The following TRAIP variants were observed in gnomAD, a reference collection of about 807,000 sequenced individuals.
The protein encoded by TRAIP is E3 ubiquitin-protein ligase TRAIP.
Under a neutral mutation model 65.0 loss-of-function variants are expected in TRAIP, and 37 were observed. The observed-to-expected ratio is 0.57, with a 90% CI of 0.44 to 0.75. The LOEUF is 0.75. Ranked by LOEUF, TRAIP falls within the 30% of genes least tolerant of loss-of-function variation. The pLI is 0.00. For synonymous variants in TRAIP, 187 were observed against 219.1 expected (o/e 0.85, Z 1.29); for missense variants, 481 against 579.4 (o/e 0.83, Z 1.74).
At chr3:49,850,513 T>G (rs977622649) in intron 1 of TRAIP, among the ~76,000 whole-genome samples, 4 of 149,868 alleles carry the variant, frequency 2.7e-5, no homozygotes, top group African/African-American at 9.8e-5. Flanking sequence ...AAAAAAAAAG[T>G]AGGCAAAATT....
rs761742550 is a variant in TRAIP at position 49,829,760 on chromosome 3, G to A, written c.1093C>T (p.Gln365Ter). 1 of 1,614,046 alleles carries A rather than the reference G, an allele frequency of 6.2e-7. No homozygotes were observed. Among genetic ancestry groups the A allele is most frequent in the Non-Finnish European group, 8.5e-7 (1 of 1,179,978 alleles). The change falls in exon 13 of 15, where the codon CAG becomes TAG. Residue 365 changes from glutamine to a stop codon, truncating the protein, a stop_gained. Coordinates refer to ENST00000331456, the MANE Select transcript of TRAIP (RefSeq NM_005879.3). LOFTEE classifies it high-confidence loss of function. ...CAGCTCTGGCCACCCAGTGAGAGCT[G>A]GGACTCCTGCAGGGAAGACCCCAGG... is the stretch of plus-strand genomic sequence containing the variant. ...KICKGPRKES[Q>*]LSLGGQSCAG...
At chr3:49,835,494 T>C (rs1222079355) in intron 10 of TRAIP, among the ~76,000 whole-genome samples, 2 of 152,042 alleles carry the variant, frequency 1.3e-5, no homozygotes, top group African/African-American at 4.8e-5. Flanking sequence ...AGTGGGATGG[T>C]GGTGATGGTT....
chr3:49,836,204 G>A (rs956366835), intron 10 of TRAIP, among the ~76,000 whole-genome samples: 5 of 151,932 alleles, frequency 3.3e-5, no homozygotes, highest in Middle Eastern at 6.8e-3. Context: ...TTAAGAAATG[G>A]TGGTGGCTGG....
intron 3 of TRAIP, 57 bp downstream of exon 3, chr3:49,847,468 G>C: frequency 9.0e-7 from 1 of 1,111,052 alleles, no homozygotes; most frequent in Non-Finnish European, 1.3e-6. Flanking sequence ...AAAGAAAAAA[G>C]AAAAGTGAAC....
intron 12 of TRAIP, 58 bp from the exon 13 acceptor site, chr3:49,829,824 G>T: frequency 1.2e-6 from 2 of 1,605,966 alleles, no homozygotes; most frequent in East Asian, 4.5e-5. Context: ...AAGGAGGGAG[G>T]GTAGTGGTGG....
intron 1 of TRAIP, among the ~76,000 whole-genome samples, chr3:49,850,471 C>T (rs916804212): frequency 1.2e-4 from 18 of 145,106 alleles, no homozygotes; most frequent in African/African-American, 4.6e-4. Context: ...TGCACTCCAG[C>T]GTGAGGGACA....
At chr3:49,853,028 A>G (rs1387651003) in intron 1 of TRAIP, among the ~76,000 whole-genome samples, 2 of 151,860 alleles carry the variant, frequency 1.3e-5, no homozygotes, top group African/African-American at 4.8e-5. Flanking sequence ...AGGCTGAGGC[A>G]GGAGAATTGC....
intron 10 of TRAIP, 23 bp downstream of exon 10, chr3:49,839,749 G>A: frequency 6.2e-7 from 1 of 1,608,086 alleles, no homozygotes; most frequent in African/African-American, 1.3e-5. Flanking sequence ...TGTGACCCCT[G>A]TACCGCCCAA....
intron 5 of TRAIP, 106 bp downstream of exon 5, chr3:49,843,695 A>G: frequency 6.7e-7 from 1 of 1,482,702 alleles, no homozygotes; most frequent in Non-Finnish European, 9.2e-7. Flanking sequence ...TCCCCAAACC[A>G]AGGTGATGAC....
intron 1 of TRAIP, among the ~76,000 whole-genome samples, chr3:49,850,866 A>G (rs994734799): frequency 1.3e-5 from 2 of 151,604 alleles, no homozygotes; most frequent in Non-Finnish European, 2.9e-5. Context: ...CATGTTGGCC[A>G]GGCTGCTCTC....
chr3:49,828,994 C>G lies in TRAIP; in HGVS notation c.*109G>C. On this transcript the variant is annotated 3_prime_UTR_variant, in exon 15 of 15. Coordinates refer to ENST00000331456, the MANE Select transcript of TRAIP (RefSeq NM_005879.3). ...CCTCACCTGTTTGTCTGCCCTTACA[C>G]CTCAGGCTGGTCCCGAAAGTGGGGC... 6.6e-7 allele frequency: 1 copy of G among 1,509,296 alleles called. No homozygotes were observed. The allele number at this position is 1,509,296 out of a possible 1,614,324, so 93.5% of individuals were successfully genotyped here. A position where few individuals can be genotyped will look rare whatever the true frequency, so the allele number is the denominator to read the frequency against.
chr3:49,829,341 G>A, intron 14 of TRAIP, 116 bp from the exon 15 acceptor site: 1 of 1,610,590 alleles, frequency 6.2e-7, no homozygotes, highest in Non-Finnish European at 8.5e-7. Flanking sequence ...CTGATACACA[G>A]AATGAGGCCC....
intron 12 of TRAIP, 105 bp from the exon 13 acceptor site, chr3:49,829,871 G>A (rs1315674995): frequency 3.8e-6 from 6 of 1,583,450 alleles, no homozygotes; most frequent in Non-Finnish European, 5.2e-6. Context: ...CTCACTAGGA[G>A]GCAGGAGGGA....
At chr3:49,856,090 T>C (rs1221795475) in intron 1 of TRAIP, among the ~76,000 whole-genome samples, 4 of 152,236 alleles carry the variant, frequency 2.6e-5, no homozygotes, top group African/African-American at 4.8e-5. Context: ...TGAAATCACA[T>C]CTGTTTGTAT....
rs202184066 is a variant in TRAIP at position 49,830,071 on chromosome 3, A to G, written c.1038-3T>C. On this transcript the variant is annotated splice_polypyrimidine_tract_variant and splice_region_variant and intron_variant, in intron 11 of 14. Transcript: ENST00000331456. ...TGGGGACATCCTGAATTGGGGAGCTACAAGAATGAGAGAGAAGGCAAGGGG... is the reference window on the plus strand; with the variant it reads ...TGGGGACATCCTGAATTGGGGAGCTGCAAGAATGAGAGAGAAGGCAAGGGG... The G allele has an allele frequency of 1.9e-5, 30 of 1,614,038 alleles. No homozygotes were observed. Among genetic ancestry groups the G allele is most frequent in the Non-Finnish European group, 2.3e-5 (27 of 1,180,018 alleles).
Position 49,829,659 on chromosome 3 carries a change from C to T in TRAIP, c.1194G>A (p.Gln398=), listed in dbSNP as rs749699653. ...FVRNAILGQK[Q]PKRPRSESSC... ...AGGACTCTGACCTGGGCCTCTTGGGCTGTTTCTGGCCTAGGATGGCATTCC... is the reference window on the plus strand; with the variant it reads ...AGGACTCTGACCTGGGCCTCTTGGGTTGTTTCTGGCCTAGGATGGCATTCC... Residue 398 remains glutamine, a synonymous_variant, in exon 13 of 15, where the codon CAG becomes CAA. Transcript: ENST00000331456. The T allele has an allele frequency of 6.2e-7, 1 of 1,614,068 alleles. No homozygotes were observed. The highest frequency in any genetic ancestry group is 1.3e-5 in the African/African-American group (1 of 74,922).
chr3:49,840,741 A>C (rs1375771345), intron 8 of TRAIP, among the ~76,000 whole-genome samples: 1 of 152,228 alleles, frequency 6.6e-6, no homozygotes, highest in African/African-American at 2.4e-5. Flanking sequence ...AGCCAGGAAG[A>C]GCAGAGGGGA....
chr3:49,856,396 C>T lies in TRAIP; in HGVS notation c.58G>A (p.Val20Met), dbSNP rs1455443785. 1.9e-6 allele frequency: 3 copies of T among 1,614,132 alleles called. No homozygotes were observed. The highest frequency in any genetic ancestry group is 3.3e-5 in the Admixed American group (2 of 60,012). ...GTGTGGCCGCAGTGGATGGCGGCCA[C>T]GTCGCGGGAGTGATCGAAGAAGTCG... Reference protein sequence around the residue: ...CSDFFDHSRDVAAIHCGHTFH... With the variant: ...CSDFFDHSRDMAAIHCGHTFH... The change falls in exon 1 of 15, where the codon GTG becomes ATG. Residue 20 changes from valine to methionine, a missense_variant. By Grantham distance (21) the Val-to-Met change is conservative (BLOSUM62 1). Coordinates refer to ENST00000331456, the MANE Select transcript of TRAIP (RefSeq NM_005879.3).
At chr3:49,843,136 C>G (rs1213083570) in intron 5 of TRAIP, 1 of 154,916 alleles carries the variant, frequency 6.5e-6, no homozygotes, top group Non-Finnish European at 1.4e-5. Context: ...AATGAATATC[C>G]TGGGGCCTTG....
Sources: gnomAD v4.1 joint callset for allele counts (sites outside exome capture counted in the v4.1 genomes callset) on GRCh38, gnomAD v4.1.1 for gene constraint, MANE v1.5 for transcripts, NCBI Gene and HGNC (gene_info 2026-07-23, HGNC 2026-07-21) for gene names.